Variants in SUCLG2 observed in about 807,000 individuals in gnomAD.
SUCLG2 encodes the protein succinate--CoA ligase [GDP-forming] subunit beta, mitochondrial.
A neutral mutation model predicts 47.9 loss-of-function variants in SUCLG2; 42 were observed. That is an observed-to-expected ratio of 0.88 (90% CI 0.69 to 1.14). The LOEUF (loss-of-function observed/expected upper bound fraction) is 1.14. Among genes scored for constraint, SUCLG2 ranks in the 50% most tolerant of loss-of-function variants. SUCLG2 has a pLI of 0.00. For synonymous variants in SUCLG2, 195 were observed against 197.3 expected (o/e 0.99, Z 0.10); for missense variants, 571 against 525.9 (o/e 1.09, Z -0.84).
At chr3:67,557,262 A>G (rs1707186642) in intron 2 of SUCLG2, among the ~76,000 whole-genome samples, 1 of 152,234 alleles carries the variant, frequency 6.6e-6, no homozygotes, top group African/African-American at 2.4e-5. Flanking sequence ...ATCACATATT[A>G]CATAGACGTA....
chr3:67,399,787 GT>G (rs1702642330), intron 10 of SUCLG2, among the ~76,000 whole-genome samples: 1 of 152,176 alleles, frequency 6.6e-6, no homozygotes, highest in Non-Finnish European at 1.5e-5. Context: ...CATCGAGATA[GT>G]TCCAGATTCC....
chr3:67,518,896 T>C (rs1706022525), intron 5 of SUCLG2, among the ~76,000 whole-genome samples: 1 of 152,184 alleles, frequency 6.6e-6, no homozygotes, highest in African/African-American at 2.4e-5. Context: ...TGAAAACAGC[T>C]AGGTGTTGTT....
intron 9 of SUCLG2, among the ~76,000 whole-genome samples, chr3:67,477,040 T>C (rs919733278): frequency 2.0e-5 from 3 of 152,198 alleles, no homozygotes; most frequent in Admixed American, 6.5e-5. Context: ...GTCATGATTC[T>C]TGAATCTACA....
chr3:67,638,410 T>C (rs1701043588), intron 1 of SUCLG2, among the ~76,000 whole-genome samples: 1 of 152,188 alleles, frequency 6.6e-6, no homozygotes, highest in Admixed American at 6.5e-5. Flanking sequence ...GTAGCTACAC[T>C]TGGCATTTCA....
chr3:67,616,851 C>G (rs1414917604), intron 1 of SUCLG2, among the ~76,000 whole-genome samples: 3 of 152,298 alleles, frequency 2.0e-5, no homozygotes, highest in African/African-American at 7.2e-5. Context: ...GCTCTTAAAC[C>G]TCACTTCGAG....
chr3:67,479,869 TA>T (rs1704865374), intron 9 of SUCLG2, among the ~76,000 whole-genome samples: 1 of 152,212 alleles, frequency 6.6e-6, no homozygotes. Context: ...AGTTGATCTT[TA>T]GAAAAATGCA....
rs145526408 is a variant in SUCLG2 at position 67,594,481 on chromosome 3, A to C, written c.226+14974T>G. 1.7e-3 allele frequency among the ~76,000 whole-genome samples: 262 copies of C among 152,212 alleles called. 3 individuals are homozygous for C. The East Asian group carries it at 0.034, about 20-fold the overall frequency. On this transcript the variant is annotated intron_variant, in intron 2 of 10. Transcript: ENST00000307227. ...AAACACTTTCATCCCAGTTCTCATG[A>C]CTGGCTCGTGTTCATCCTCACAGGT...
chr3:67,495,955 T>C lies in SUCLG2; in HGVS notation c.920-15A>G. ...AGCACCATTCACTGTGAAATGCAAA[T>C]GGGACACAAGACAGGCTACATTTAG... On this transcript the variant is annotated splice_polypyrimidine_tract_variant and intron_variant, in intron 8 of 10. Coordinates refer to ENST00000307227, the MANE Select transcript of SUCLG2 (RefSeq NM_003848.4). 6.2e-7 allele frequency: 1 copy of C among 1,613,714 alleles called. No individual in the cohort carries two copies. Among genetic ancestry groups the C allele is most frequent in the South Asian group, 1.1e-5 (1 of 91,058 alleles).
intron 9 of SUCLG2, among the ~76,000 whole-genome samples, chr3:67,414,730 C>T (rs1483485055): frequency 6.6e-6 from 1 of 152,152 alleles, no homozygotes; most frequent in Non-Finnish European, 1.5e-5. Context: ...GTGTATCTCC[C>T]ACAACTAGGT....
At chr3:67,456,207 C>T (rs2106947059) in intron 9 of SUCLG2, among the ~76,000 whole-genome samples, 1 of 152,290 alleles carries the variant, frequency 6.6e-6, no homozygotes, top group Non-Finnish European at 1.5e-5. Context: ...TCCCTTGATA[C>T]ATGAATATCT....
intron 9 of SUCLG2, among the ~76,000 whole-genome samples, chr3:67,421,372 C>A (rs1487068287): frequency 6.6e-6 from 1 of 152,162 alleles, no homozygotes; most frequent in African/African-American, 2.4e-5. Flanking sequence ...AATCCTCTCT[C>A]AGCAAAAAAA....
intron 2 of SUCLG2, among the ~76,000 whole-genome samples, chr3:67,563,317 G>A (rs1394151931): frequency 1.3e-5 from 2 of 152,052 alleles, no homozygotes; most frequent in Non-Finnish European, 2.9e-5. Flanking sequence ...CTCTTGTTCT[G>A]ACTTTGAACA....
chr3:67,432,945 A>G (rs1290325355), intron 9 of SUCLG2, among the ~76,000 whole-genome samples: 1 of 152,240 alleles, frequency 6.6e-6, no homozygotes, highest in Non-Finnish European at 1.5e-5. Context: ...ATTGGATTGA[A>G]TTAAATTGAA....
At chr3:67,482,861 C>T (rs1239277951) in intron 9 of SUCLG2, among the ~76,000 whole-genome samples, 2 of 152,270 alleles carry the variant, frequency 1.3e-5, no homozygotes, top group South Asian at 2.1e-4. Flanking sequence ...TTGCTGTTTA[C>T]GATCTTCAGG....
intron 9 of SUCLG2, among the ~76,000 whole-genome samples, chr3:67,430,583 G>C (rs1703449572): frequency 6.6e-6 from 1 of 151,944 alleles, no homozygotes; most frequent in African/African-American, 2.4e-5. Context: ...CTAGCAGAAG[G>C]CAAGAAATAA....
At chr3:67,494,542 C>A (rs929029395) in intron 9 of SUCLG2, among the ~76,000 whole-genome samples, 1 of 152,108 alleles carries the variant, frequency 6.6e-6, no homozygotes, top group African/African-American at 2.4e-5. Context: ...AGGAGGATAC[C>A]TTGGGCCCAG....
chr3:67,502,750 T>C (rs1310679357), intron 7 of SUCLG2, among the ~76,000 whole-genome samples: 1 of 152,202 alleles, frequency 6.6e-6, no homozygotes, highest in Non-Finnish European at 1.5e-5. Context: ...TAAGCAAATG[T>C]CTCCCATAGT....
chr3:67,596,474 T>C (rs1255358175), intron 2 of SUCLG2, among the ~76,000 whole-genome samples: 1 of 152,160 alleles, frequency 6.6e-6, no homozygotes, highest in African/African-American at 2.4e-5. Flanking sequence ...GGAAAGTAGT[T>C]TTTGCCTCTT....
At chr3:67,632,451 G>C (rs994286293) in intron 1 of SUCLG2, among the ~76,000 whole-genome samples, 2 of 152,126 alleles carry the variant, frequency 1.3e-5, no homozygotes, top group African/African-American at 2.4e-5. Context: ...CCAAAGTACT[G>C]AGATTAAAGA....
Sources: gnomAD v4.1 joint callset for allele counts (sites outside exome capture counted in the v4.1 genomes callset) on GRCh38, gnomAD v4.1.1 for gene constraint, MANE v1.5 for transcripts, NCBI Gene and HGNC (gene_info 2026-07-23, HGNC 2026-07-21) for gene names.